Variants in DGKH observed in about 807,000 individuals in gnomAD.
DGKH encodes diacylglycerol kinase eta, also known as DAG kinase eta.
In DGKH, 90 loss-of-function variants were observed where a neutral mutation model predicts 159.3. That is an observed-to-expected ratio of 0.57 (90% confidence interval 0.48 to 0.67). The LOEUF (loss-of-function observed/expected upper bound fraction) is 0.67, where lower values mean the gene tolerates loss of function less well. Among genes scored for constraint, DGKH ranks in the 30% least tolerant of loss-of-function variants. The pLI is 0.00. For missense variants in DGKH, 1,181 were observed against 1,506.1 expected, an observed-to-expected ratio of 0.78 and a Z score of 3.57; for synonymous variants, 536 against 553.8, an observed-to-expected ratio of 0.97 and a Z score of 0.45.
At chr13:42,192,822 C>T (rs347390) in intron 16 of DGKH, among the ~76,000 whole-genome samples, 4,754 of 152,090 alleles carry the variant, frequency 0.031, 253 homozygotes, top group African/African-American at 0.11. Flanking sequence ...CCTTGTTGCA[C>T]CCATTTGGTC....
intron 3 of DGKH, 61 bp from the exon 4 acceptor site, chr13:42,155,230 G>A (rs1408995074): frequency 3.4e-5 from 45 of 1,318,698 alleles, no homozygotes; most frequent in East Asian, 1.5e-4. Context: ...AAGATGTTAG[G>A]TTTTGCAACA....
At chr13:42,200,140 T>G (rs886375681) in intron 20 of DGKH, among the ~76,000 whole-genome samples, 2 of 152,194 alleles carry the variant, frequency 1.3e-5, no homozygotes, top group Non-Finnish European at 2.9e-5. Context: ...TCTGGAGTTG[T>G]GGTGCCCCAC....
intron 20 of DGKH, among the ~76,000 whole-genome samples, chr13:42,204,731 G>A (rs971560318): frequency 2.6e-5 from 4 of 152,120 alleles, no homozygotes; most frequent in African/African-American, 9.7e-5. Flanking sequence ...GTGTTTGCTG[G>A]TCTCTGCCCT....
chr13:42,167,113 A>T (rs908635283), intron 9 of DGKH, among the ~76,000 whole-genome samples: 2 of 147,842 alleles, frequency 1.4e-5, no homozygotes, highest in Non-Finnish European at 2.9e-5. Flanking sequence ...AGTTCACATA[A>T]ATGACAAAGA....
rs768082452 is a variant in DGKH at position 42,229,087 on chromosome 13, CTTTTA to C, written c.3574-6_3574-2del. 2.5e-6 allele frequency: 4 copies of C among 1,583,654 alleles called. No homozygotes were observed. The South Asian group carries it at 4.7e-5, about 19-fold the overall frequency. ...TTAATTATTTCTACCTTTTTCTGTT[CTTTTA>C]TTTTAGGATCTGGGGATACCGAAAG... On this transcript the variant is annotated splice_polypyrimidine_tract_variant and splice_region_variant and intron_variant, in intron 29 of 29. Transcript: ENST00000337343.
intron 1 of DGKH, among the ~76,000 whole-genome samples, chr13:42,060,089 A>C (rs1350842715): frequency 6.6e-6 from 1 of 151,944 alleles, no homozygotes; most frequent in Non-Finnish European, 1.5e-5. Context: ...TATTTTTAGT[A>C]GAGATGGGGT....
At chr13:42,221,111 G>A (rs1471472636) in intron 28 of DGKH, 153 bp from the exon 29 acceptor site, 2 of 978,182 alleles carry the variant, frequency 2.0e-6, no homozygotes, top group Non-Finnish European at 3.0e-6. Flanking sequence ...ATGGGAAAAA[G>A]TGGAACTATG....
At chr13:42,211,043 G>A (rs1431296390) in intron 24 of DGKH, among the ~76,000 whole-genome samples, 2 of 152,118 alleles carry the variant, frequency 1.3e-5, no homozygotes, top group African/African-American at 4.8e-5. Flanking sequence ...AGAGTCAGGA[G>A]CAAAAAGAAT....
intron 1 of DGKH, among the ~76,000 whole-genome samples, chr13:42,109,383 AGC>A (rs1247605258): frequency 1.4e-4 from 22 of 152,354 alleles, no homozygotes; most frequent in Admixed American, 9.8e-4. Context: ...TCAGCCGTGG[AGC>A]CAAGGTTTGA....
chr13:42,061,988 G>GGTGGGTGT (rs1555256127), intron 1 of DGKH, among the ~76,000 whole-genome samples: 1 of 149,678 alleles, frequency 6.7e-6, no homozygotes, highest in Non-Finnish European at 1.5e-5. Context: ...TGTGTGTGTG[G>GGTGGGTGT]GTGTGTGTGT....
chr13:42,064,035 C>G (rs1882384010), intron 1 of DGKH, among the ~76,000 whole-genome samples: 1 of 152,130 alleles, frequency 6.6e-6, no homozygotes, highest in South Asian at 2.1e-4. Context: ...AGGAGAATTA[C>G]TGGAGCAATG....
chr13:42,129,300 A>T (rs986094249), intron 2 of DGKH, among the ~76,000 whole-genome samples: 30 of 152,224 alleles, frequency 2.0e-4, no homozygotes, highest in Admixed American at 1.3e-4. Context: ...TTATGCTTCC[A>T]GAGAGCACAG....
chr13:42,097,156 T>G (rs972720466), intron 1 of DGKH, among the ~76,000 whole-genome samples: 2 of 152,200 alleles, frequency 1.3e-5, no homozygotes, highest in African/African-American at 4.8e-5. Context: ...TTTTCATCCA[T>G]TGTGTGGGCT....
intron 1 of DGKH, among the ~76,000 whole-genome samples, chr13:42,115,450 A>C (rs1436446617): frequency 3.9e-5 from 6 of 152,164 alleles, no homozygotes; most frequent in Non-Finnish European, 7.3e-5. Flanking sequence ...AGCATGATTA[A>C]TGCTATAAAT....
In DGKH at chr13:42,190,584, T is replaced by C. The variant is rs528452040; in HGVS notation, c.2035+59T>C. On this transcript the variant is annotated intron_variant, in intron 16 of 29. Coordinates refer to ENST00000337343, the MANE Select transcript of DGKH (RefSeq NM_178009.5). ...AAATAAAATGTCATTTTGCTTTTAGTTTTCAAAAGGCTGATCAGTTTGAAA... is the reference window on the plus strand; with the variant it reads ...AAATAAAATGTCATTTTGCTTTTAGCTTTCAAAAGGCTGATCAGTTTGAAA... 9.9e-6 allele frequency: 15 copies of C among 1,520,670 alleles called. No individual in the cohort carries two copies. In the East Asian group the frequency reaches 2.9e-4, roughly 29 times the overall value. 94.2% of individuals were successfully genotyped at this position (1,520,670 alleles called of 1,614,324 possible).
At chr13:42,128,911 C>T (rs918740963) in intron 2 of DGKH, among the ~76,000 whole-genome samples, 3 of 152,146 alleles carry the variant, frequency 2.0e-5, no homozygotes, top group African/African-American at 2.4e-5. Context: ...TGCGGTGCAC[C>T]GTTATCCCTG....
intron 1 of DGKH, among the ~76,000 whole-genome samples, chr13:42,097,559 G>A (rs1230595092): frequency 4.6e-5 from 7 of 152,060 alleles, no homozygotes; most frequent in Admixed American, 2.0e-4. Context: ...CCCAGATGCC[G>A]GCAACTGGGA....
At chr13:42,246,309 C>T (rs375725686), downstream of DGKH, among the ~76,000 whole-genome samples, 10 of 152,150 alleles carry the variant, frequency 6.6e-5, no homozygotes, top group South Asian at 2.1e-4. Flanking sequence ...CAAGGCTGGG[C>T]GTGGTGGCTC....
chr13:42,197,677 C>T (rs1049060816), intron 17 of DGKH, among the ~76,000 whole-genome samples: 4 of 151,996 alleles, frequency 2.6e-5, no homozygotes, highest in African/African-American at 4.8e-5. Context: ...CACCATTGCA[C>T]TCCAGCCTAG....
Sources: gnomAD v4.1 joint callset for allele counts (sites outside exome capture counted in the v4.1 genomes callset) on GRCh38, gnomAD v4.1.1 for gene constraint, MANE v1.5 for transcripts, NCBI Gene and HGNC (gene_info 2026-07-23, HGNC 2026-07-21) for gene names.